SGCZ: variants seen among roughly 807,000 people sequenced by gnomAD.
The protein encoded by SGCZ is sarcoglycan zeta, also known as zeta-sarcoglycan.
In SGCZ, 40 loss-of-function variants were observed where a neutral mutation model predicts 41.3. The observed-to-expected ratio is 0.97, with a 90% CI of 0.75 to 1.26. SGCZ has a LOEUF of 1.26. Among genes scored for constraint, SGCZ ranks in the 50% most tolerant of loss-of-function variants. The probability of loss-of-function intolerance (pLI) is 0.00; values close to 1 mark genes in which losing one functional copy is unlikely to be tolerated. For missense variants in SGCZ, 552 were observed against 369.8 expected, an observed-to-expected ratio of 1.49 and a Z score of -4.04; for synonymous variants, 206 against 137.5, an observed-to-expected ratio of 1.50 and a Z score of -3.49.
At chr8:15,232,783 A>C (rs967679000) in intron 1 of SGCZ, among the ~76,000 whole-genome samples, 1 of 123,248 alleles carries the variant, frequency 8.1e-6, no homozygotes, top group Non-Finnish European at 1.7e-5. Flanking sequence ...ATATACATAT[A>C]TATGTGTGTA....
chr8:14,620,208 A>C (rs1211244015), intron 1 of SGCZ, among the ~76,000 whole-genome samples: 1 of 152,176 alleles, frequency 6.6e-6, no homozygotes. Context: ...CTATTTAATA[A>C]ATGGTGCTGG....
intron 1 of SGCZ, among the ~76,000 whole-genome samples, chr8:15,161,004 T>G (rs532802617): frequency 2.6e-5 from 4 of 152,256 alleles, no homozygotes; most frequent in Non-Finnish European, 2.9e-5. Context: ...CCTTTTCATC[T>G]TAAGTCAAAT....
At chr8:14,875,335 C>G (rs895913995) in intron 1 of SGCZ, among the ~76,000 whole-genome samples, 1 of 152,170 alleles carries the variant, frequency 6.6e-6, no homozygotes, top group African/African-American at 2.4e-5. Flanking sequence ...ATGACTTAAT[C>G]ACCTTCCAAA....
chr8:15,144,610 T>G (rs1007674531), intron 1 of SGCZ, among the ~76,000 whole-genome samples: 19 of 151,986 alleles, frequency 1.3e-4, no homozygotes, highest in Non-Finnish European at 2.5e-4. Context: ...TACAGGCACA[T>G]GCCGCCACAC....
At chr8:14,103,498 G>GAATTCAGAGTTGTTTTGCA (rs1482832646) in intron 6 of SGCZ, among the ~76,000 whole-genome samples, 1 of 152,146 alleles carries the variant, frequency 6.6e-6, no homozygotes, top group African/African-American at 2.4e-5. Flanking sequence ...CTGAGGCAAT[G>GAATTCAGAGTTGTTTTGCA]AATTCAGAGT....
chr8:14,573,023 A>T (rs978164828), intron 1 of SGCZ, among the ~76,000 whole-genome samples: 9 of 152,184 alleles, frequency 5.9e-5, no homozygotes, highest in African/African-American at 2.2e-4. Flanking sequence ...CTATAAAGAA[A>T]TATGCAAATG....
chr8:14,802,355 TAAC>T (rs1212303669), intron 1 of SGCZ, among the ~76,000 whole-genome samples: 3 of 152,246 alleles, frequency 2.0e-5, no homozygotes, highest in African/African-American at 7.2e-5. Flanking sequence ...AATGTGTTCT[TAAC>T]AAAAGAAAAC....
At chr8:14,702,507 T>C (rs1809170636) in intron 1 of SGCZ, among the ~76,000 whole-genome samples, 1 of 151,928 alleles carries the variant, frequency 6.6e-6, no homozygotes, top group Non-Finnish European at 1.5e-5. Flanking sequence ...TATATTCTTA[T>C]TTATACATGA....
intron 1 of SGCZ, among the ~76,000 whole-genome samples, chr8:14,765,180 A>G (rs1347070196): frequency 6.6e-6 from 1 of 152,194 alleles, no homozygotes; most frequent in East Asian, 1.9e-4. Context: ...CTTATTTTAA[A>G]GACCTGGACT....
At chr8:15,095,887 G>C (rs1806328751) in intron 1 of SGCZ, among the ~76,000 whole-genome samples, 1 of 151,984 alleles carries the variant, frequency 6.6e-6, no homozygotes, top group African/African-American at 2.4e-5. Flanking sequence ...TCCTAAATCA[G>C]GCTGATTTTC....
In SGCZ at chr8:15,237,780, T is replaced by TA; in HGVS notation, c.-158dup. The TA allele has an allele frequency of 1.6e-6, 1 of 625,900 alleles. No homozygotes were observed. The highest frequency in any genetic ancestry group is 2.8e-5 in the Admixed American group (1 of 35,534). The allele number at this position is 625,900 out of a possible 1,614,324, so 38.8% of individuals were successfully genotyped here. On this transcript the variant is annotated 5_prime_UTR_variant, in exon 1 of 8. Transcript: ENST00000382080. Reference sequence around the variant, plus strand: ...CGTGGTCACGCCGCCTCCACCGGGTTAAAAATAAGGAAAATAAATAAATAA... The same window carrying TA: ...CGTGGTCACGCCGCCTCCACCGGGTTAAAAAATAAGGAAAATAAATAAATAA...
intron 1 of SGCZ, among the ~76,000 whole-genome samples, chr8:15,082,839 A>G (rs1346969359): frequency 2.0e-5 from 3 of 152,194 alleles, no homozygotes; most frequent in Admixed American, 6.5e-5. Context: ...TTCCTGTCAT[A>G]TCTAAAAATG....
chr8:14,241,161 C>T (rs1169200083), intron 3 of SGCZ, among the ~76,000 whole-genome samples: 2 of 151,928 alleles, frequency 1.3e-5, no homozygotes, highest in African/African-American at 2.4e-5. Context: ...TATTTTACTC[C>T]ATTCCACTGT....
intron 2 of SGCZ, among the ~76,000 whole-genome samples, chr8:14,540,618 A>G (rs1803436642): frequency 6.6e-6 from 1 of 151,752 alleles, no homozygotes; most frequent in African/African-American, 2.4e-5. Flanking sequence ...ACTTGATCAC[A>G]TTTTCACTTT....
At chr8:15,056,503 G>A (rs1804709824) in intron 1 of SGCZ, among the ~76,000 whole-genome samples, 1 of 150,940 alleles carries the variant, frequency 6.6e-6, no homozygotes, top group African/African-American at 2.4e-5. Flanking sequence ...ATACATGAAT[G>A]ATGTTGTTTT....
chr8:14,954,218 G>A (rs964699547), intron 1 of SGCZ, among the ~76,000 whole-genome samples: 1 of 152,030 alleles, frequency 6.6e-6, no homozygotes, highest in East Asian at 1.9e-4. Flanking sequence ...CGCTTTCTTT[G>A]ATCTTCCACT....
chr8:14,191,412 A>T (rs1805099403), intron 4 of SGCZ, among the ~76,000 whole-genome samples: 1 of 152,194 alleles, frequency 6.6e-6, no homozygotes, highest in Admixed American at 6.5e-5. Flanking sequence ...TGCCAAGGTT[A>T]ATGTCAAAGA....
At chr8:14,721,244 A>G (rs1809877419) in intron 1 of SGCZ, among the ~76,000 whole-genome samples, 1 of 152,160 alleles carries the variant, frequency 6.6e-6, no homozygotes, top group Admixed American at 6.6e-5. Context: ...TTTAAATATT[A>G]TCTATAAACT....
intron 1 of SGCZ, among the ~76,000 whole-genome samples, chr8:14,616,198 G>C (rs181666916): frequency 1.3e-5 from 2 of 151,944 alleles, no homozygotes; most frequent in Admixed American, 1.3e-4. Flanking sequence ...CAGGAGAATG[G>C]CGTGAACCCA....
Sources: gnomAD v4.1 joint callset for allele counts (sites outside exome capture counted in the v4.1 genomes callset) on GRCh38, gnomAD v4.1.1 for gene constraint, MANE v1.5 for transcripts, NCBI Gene and HGNC (gene_info 2026-07-23, HGNC 2026-07-21) for gene names.